Variants in POLR3C observed in about 807,000 individuals in gnomAD.
The protein encoded by POLR3C is DNA-directed RNA polymerase III subunit RPC3.
A neutral mutation model predicts 65.9 loss-of-function variants in POLR3C; 44 were observed. That is an observed-to-expected ratio of 0.67 (90% CI 0.52 to 0.86). POLR3C has a LOEUF of 0.86. Among genes scored for constraint, POLR3C ranks in the 40% least tolerant of loss-of-function variants. The pLI, the probability that POLR3C is intolerant of heterozygous loss-of-function variation, is 0.00. For synonymous variants in POLR3C, 263 were observed against 231.6 expected (o/e 1.14, Z -1.23); for missense variants, 576 against 653.2 (o/e 0.88, Z 1.29).
intron 5 of POLR3C, among the ~76,000 whole-genome samples, chr1:145,832,692 C>T (rs1266694737): frequency 6.6e-6 from 1 of 151,954 alleles, no homozygotes; most frequent in Non-Finnish European, 1.5e-5. Flanking sequence ...GAAGAAGGGT[C>T]AAGTTGGAGA....
intron 5 of POLR3C, among the ~76,000 whole-genome samples, chr1:145,829,310 C>T (rs781153433): frequency 5.9e-5 from 9 of 152,178 alleles, no homozygotes; most frequent in Non-Finnish European, 1.2e-4. Context: ...GACACTACCA[C>T]GTAGGCCAGC....
intron 11 of POLR3C, 77 bp downstream of exon 11, chr1:145,838,283 C>A: frequency 1.7e-6 from 2 of 1,154,176 alleles, no homozygotes; most frequent in Non-Finnish European, 1.3e-6. Flanking sequence ...GGCAAACATA[C>A]TGAACCCCCA....
intron 5 of POLR3C, among the ~76,000 whole-genome samples, chr1:145,830,298 A>C (rs945362086): frequency 6.6e-6 from 1 of 151,904 alleles, no homozygotes; most frequent in Non-Finnish European, 1.5e-5. Flanking sequence ...AGTGTCTGCT[A>C]TGTTTTAAAG....
intron 10 of POLR3C, 67 bp from the exon 11 acceptor site, chr1:145,837,989 C>G (rs1559151196): frequency 7.0e-7 from 1 of 1,419,480 alleles, no homozygotes; most frequent in South Asian, 1.2e-5. Context: ...ACAACCACCC[C>G]ATCTATGACT....
At chr1:145,838,420 G>A (rs1263928969) in intron 11 of POLR3C, among the ~76,000 whole-genome samples, 1 of 152,138 alleles carries the variant, frequency 6.6e-6, no homozygotes, top group South Asian at 2.1e-4. Context: ...GGTGGTTCGC[G>A]CCTGTAGTCC....
chr1:145,837,555 A>G lies in POLR3C; in HGVS notation c.1029A>G (p.Ala343=). The change falls in exon 10 of 15, where the codon GCA becomes GCG. Residue 343 remains alanine, a synonymous_variant. Coordinates refer to ENST00000334163, the MANE Select transcript of POLR3C (RefSeq NM_006468.8). ...ATAAAGACCTCCATAAGGCATTAGC[A>G]TCCCTAGCCACAGCCACTCTGGAGT... ...MYVINLHKAL[A]SLATATLESV... 3 of 1,605,704 alleles carry G rather than the reference A, an allele frequency of 1.9e-6. No individual in the cohort carries two copies. The highest frequency in any genetic ancestry group is 2.6e-6 in the Non-Finnish European group (3 of 1,175,544).
At chr1:145,826,197 C>T (rs1322169593) in intron 2 of POLR3C, among the ~76,000 whole-genome samples, 2 of 152,052 alleles carry the variant, frequency 1.3e-5, no homozygotes, top group Admixed American at 6.6e-5. Flanking sequence ...CTCAGTACTG[C>T]CTTTAAGGAA....
chr1:145,836,841 CAGT>C lies in POLR3C; in HGVS notation c.985_987del (p.Ser329del), dbSNP rs1553728848. 6.3e-7 allele frequency: 1 copy of C among 1,595,542 alleles called. No homozygotes were observed. On this transcript the variant is annotated inframe_deletion, in exon 9 of 15. Coordinates refer to ENST00000334163, the MANE Select transcript of POLR3C (RefSeq NM_006468.8). The stretch of plus-strand genomic sequence containing the variant: ...TAGAGTTTGTTGGAAAGTCTGGCGA[CAGT>C]GGTGGAGGAATGTATGTCATCAGTA...
intron 11 of POLR3C, 196 bp from the exon 12 acceptor site, chr1:145,839,694 G>A (rs587731354): frequency 8.8e-5 from 46 of 522,662 alleles, no homozygotes; most frequent in African/African-American, 7.3e-4. Flanking sequence ...TCATGCCACC[G>A]CACTCCATCC....
In POLR3C at chr1:145,840,952, A is replaced by T; in HGVS notation, c.1404A>T (p.Glu468Asp). ...KRLLEKSQRV[E>D]AIIASMQATG... ...TACTAGAAAAATCTCAGAGGGTAGA[A>T]GCCATCATTGCATCTATGCAGGCTA... Residue 468 changes from glutamate (E) to aspartate (D), a missense_variant, in exon 14 of 15, where the codon GAA becomes GAT. Transcript: ENST00000334163. 1 of 1,613,108 alleles carries T rather than the reference A, an allele frequency of 6.2e-7. No individual in the cohort carries two copies. The highest frequency in any genetic ancestry group is 8.5e-7 in the Non-Finnish European group (1 of 1,179,016).
intron 10 of POLR3C, 39 bp downstream of exon 10, chr1:145,837,635 C>G (rs1263187650): frequency 1.6e-6 from 2 of 1,270,514 alleles, no homozygotes; most frequent in Non-Finnish European, 1.1e-6. Context: ...TCACATACTT[C>G]CTATCCCCAG....
At chr1:145,828,506 G>A (rs1200818983) in intron 4 of POLR3C, among the ~76,000 whole-genome samples, 1 of 152,114 alleles carries the variant, frequency 6.6e-6, no homozygotes, top group East Asian at 1.9e-4. Flanking sequence ...GTGGGAGGAT[G>A]ATATCACTGG....
chr1:145,830,202 TAA>T (rs35376292), intron 5 of POLR3C, among the ~76,000 whole-genome samples: 39 of 142,102 alleles, frequency 2.7e-4, no homozygotes, highest in Admixed American at 2.1e-4. Context: ...CAAAACAGTT[TAA>T]AAAAAAAAAA....
At chr1:145,841,715 C>T (rs1652307699) in intron 14 of POLR3C, among the ~76,000 whole-genome samples, 1 of 150,984 alleles carries the variant, frequency 6.6e-6, no homozygotes, top group African/African-American at 2.4e-5. Flanking sequence ...TTTGCAGATT[C>T]TTTGAGATTT....
At position 145,839,890 on chromosome 1, in the gene POLR3C, G is replaced by A; in HGVS notation, c.1222G>A (p.Glu408Lys). Residue 408 changes from glutamate to lysine, a missense_variant and splice_region_variant, in exon 12 of 15, where the codon GAA becomes AAA. Glu to Lys is a moderately conservative substitution (Grantham distance 56). Coordinates refer to ENST00000334163, the MANE Select transcript of POLR3C (RefSeq NM_006468.8). Reference protein sequence around the residue: ...MLSENFMSLQEIPKTPDHAPS... With the variant: ...MLSENFMSLQKIPKTPDHAPS... The stretch of plus-strand genomic sequence containing the variant: ...ATTTTTCTTTCTATTGGACAAATAG[G>A]AAATTCCCAAAACACCAGACCATGC... 6.4e-7 allele frequency: 1 copy of A among 1,557,860 alleles called. No individual in the cohort carries two copies. The highest frequency in any genetic ancestry group is 8.9e-7 in the Non-Finnish European group (1 of 1,129,100).
chr1:145,827,758 CAAAAAAA>C (rs1163679762), intron 4 of POLR3C, among the ~76,000 whole-genome samples: 55 of 58,558 alleles, frequency 9.4e-4, no homozygotes, highest in African/African-American at 3.6e-3. Flanking sequence ...GACTCCGTCT[CAAAAAAA>C]AAAAAAAAAA....
At chr1:145,831,114 T>G (rs774310292) in intron 5 of POLR3C, among the ~76,000 whole-genome samples, 5 of 145,536 alleles carry the variant, frequency 3.4e-5, no homozygotes, top group Non-Finnish European at 6.1e-5. Flanking sequence ...AAAAAAAAAA[T>G]TGGGTTGGTT....
intron 5 of POLR3C, among the ~76,000 whole-genome samples, chr1:145,829,226 G>T (rs587594260): frequency 6.6e-6 from 1 of 152,242 alleles, no homozygotes; most frequent in Admixed American, 6.5e-5. Flanking sequence ...CAAATTTAGT[G>T]TGGCCAAAAC....
chr1:145,833,731 G>C (rs943227541), intron 7 of POLR3C, 149 bp downstream of exon 7: 3 of 636,348 alleles, frequency 4.7e-6, no homozygotes, highest in Non-Finnish European at 5.6e-6. Flanking sequence ...CAAGTGATGA[G>C]CACTGAAATG....
Sources: gnomAD v4.1 joint callset for allele counts (sites outside exome capture counted in the v4.1 genomes callset) on GRCh38, gnomAD v4.1.1 for gene constraint, MANE v1.5 for transcripts, NCBI Gene and HGNC (gene_info 2026-07-23, HGNC 2026-07-21) for gene names.